The following ICA1 variants were observed in gnomAD, a reference collection of about 807,000 sequenced individuals.
ICA1 encodes 69 kDa islet cell autoantigen.
In ICA1, 40 loss-of-function variants were observed where a neutral mutation model predicts 71.0. That is an observed-to-expected ratio of 0.56 (90% CI 0.44 to 0.73). ICA1 has a LOEUF of 0.73. Ranked by LOEUF, ICA1 falls within the 30% of genes least tolerant of loss-of-function variation. The pLI, the probability that ICA1 is intolerant of heterozygous loss-of-function variation, is 0.00. For synonymous variants in ICA1, 207 were observed against 209.5 expected, an observed-to-expected ratio of 0.99 and a Z score of 0.10; for missense variants, 578 against 576.5, an observed-to-expected ratio of 1.00 and a Z score of -0.03.
rs189348361 is a variant in ICA1 at position 8,243,363 on chromosome 7, A to G, written c.-79-7358T>C. Among the ~76,000 whole-genome samples, 3 of 152,332 alleles carry G rather than the reference A, an allele frequency of 2.0e-5. No individual in the cohort carries two copies. The East Asian group carries it at 5.8e-4, about 29-fold the overall frequency. On this transcript the variant is annotated intron_variant, in intron 1 of 13. Transcript: ENST00000402384. ...CAGAAAAGGCCTTTGACAAAATTCA[A>G]CAATGCTTCATGCTAAAAACTCTCA...
intron 6 of ICA1, among the ~76,000 whole-genome samples, chr7:8,178,826 TG>T (rs1441776263): frequency 2.6e-5 from 4 of 152,184 alleles, no homozygotes; most frequent in Non-Finnish European, 5.9e-5. Context: ...TTGGTGTCAG[TG>T]ATGGCTCCTT....
rs142629620 is a variant in ICA1, at chr7:8,246,010, C to T, written c.-79-10005G>A. Among the ~76,000 whole-genome samples, 334 of 152,298 alleles carry T rather than the reference C, an allele frequency of 2.2e-3. 3 individuals carry two copies. Among genetic ancestry groups the T allele is most frequent in the Admixed American group, 4.8e-3 (73 of 15,294 alleles). ...TAAAGTCTATGATTAGCTAATACTT[C>T]ATGATTCTGCAATGGAAGCTATTTC... On this transcript the variant is annotated intron_variant, in intron 1 of 13. Coordinates refer to ENST00000402384, the MANE Select transcript of ICA1 (RefSeq NM_001136020.3).
At chr7:8,121,398 C>A (rs1786873730) in intron 13 of ICA1, among the ~76,000 whole-genome samples, 2 of 152,176 alleles carry the variant, frequency 1.3e-5, no homozygotes, top group African/African-American at 4.8e-5. Context: ...CCATGACAAC[C>A]TAGAGCAAGA....
intron 6 of ICA1, among the ~76,000 whole-genome samples, chr7:8,205,555 AC>A (rs1321188642): frequency 6.6e-6 from 1 of 152,166 alleles, no homozygotes; most frequent in Non-Finnish European, 1.5e-5. Flanking sequence ...ACATTAGGAG[AC>A]CCTTATGAGA....
intron 6 of ICA1, among the ~76,000 whole-genome samples, chr7:8,186,151 C>T (rs1339324310): frequency 2.6e-5 from 4 of 152,094 alleles, no homozygotes; most frequent in Non-Finnish European, 5.9e-5. Flanking sequence ...CAAGCGACAG[C>T]AATTCAGATG....
intron 9 of ICA1, among the ~76,000 whole-genome samples, chr7:8,143,023 G>A (rs1795743204): frequency 6.6e-6 from 1 of 152,204 alleles, no homozygotes; most frequent in African/African-American, 2.4e-5. Context: ...TACAATAAAA[G>A]TATAAGCCTG....
intron 6 of ICA1, among the ~76,000 whole-genome samples, chr7:8,190,330 C>A (rs1785182757): frequency 1.3e-5 from 2 of 152,028 alleles, no homozygotes; most frequent in South Asian, 4.1e-4. Context: ...TTTCTAAGGA[C>A]TCATCCAAGA....
Position 8,181,731 on chromosome 7 carries a change from C to G in ICA1, c.580-23079G>C, listed in dbSNP as rs982452415. Among the ~76,000 whole-genome samples the G allele has an allele frequency of 2.6e-5, 4 of 152,084 alleles. No homozygotes were observed. The South Asian group carries it at 8.3e-4, about 32-fold the overall frequency. On this transcript the variant is annotated intron_variant, in intron 6 of 13. Transcript: ENST00000402384. ...GTATTTGCCATTTTCAGTTTTTAAACGTGGCTCAGAAAATAAGCCAGTGCT... is the reference window on the plus strand; with the variant it reads ...GTATTTGCCATTTTCAGTTTTTAAAGGTGGCTCAGAAAATAAGCCAGTGCT...
intron 6 of ICA1, among the ~76,000 whole-genome samples, chr7:8,176,583 G>A (rs915516604): frequency 2.6e-5 from 4 of 152,182 alleles, no homozygotes; most frequent in Non-Finnish European, 4.4e-5. Flanking sequence ...TGGGCAGCAG[G>A]CATGCACAAC....
intron 3 of ICA1, among the ~76,000 whole-genome samples, chr7:8,231,206 C>A (rs1187641525): frequency 6.6e-6 from 1 of 152,066 alleles, no homozygotes; most frequent in African/African-American, 2.4e-5. Flanking sequence ...AGCAAATGCT[C>A]TGATGGGTGT....
chr7:8,116,387 T>G (rs1784811304), intron 13 of ICA1: 1 of 152,226 alleles, frequency 6.6e-6, no homozygotes, highest in South Asian at 2.1e-4. Flanking sequence ...CACCAGTTGA[T>G]GGCCACATCC....
chr7:8,194,361 CATGTTT>C (rs1786697966), intron 6 of ICA1, among the ~76,000 whole-genome samples: 1 of 152,160 alleles, frequency 6.6e-6, no homozygotes, highest in South Asian at 2.1e-4. Flanking sequence ...TACAAAAGTT[CATGTTT>C]ATTTATAAAA....
chr7:8,209,079 A>G (rs1462560205), intron 6 of ICA1, among the ~76,000 whole-genome samples: 1 of 152,232 alleles, frequency 6.6e-6, no homozygotes, highest in East Asian at 1.9e-4. Context: ...GAAAAGCCAG[A>G]CAATCTGGCA....
chr7:8,128,030 G>A lies in ICA1; in HGVS notation c.1173C>T (p.Ser391=), dbSNP rs144510804. Residue 391 remains serine (S), a synonymous_variant, in exon 13 of 14, where the codon AGC becomes AGT. Transcript: ENST00000402384. The part of the protein sequence containing the change: ...NASSLEEGEF[S]KEWAAVFGDG... Reference sequence around the variant, plus strand: ...CTCCAAACACAGCGGCCCACTCTTTGCTGAACTCGCCCTCTTCCAAGGAGG... The same window carrying A: ...CTCCAAACACAGCGGCCCACTCTTTACTGAACTCGCCCTCTTCCAAGGAGG... 2.5e-5 allele frequency: 41 copies of A among 1,614,098 alleles called. No individual in the cohort carries two copies. In the African/African-American group the frequency reaches 5.2e-4, roughly 20 times the overall value.
chr7:8,130,221 G>A lies in ICA1; in HGVS notation c.1061-2079C>T, dbSNP rs1790934162. 6.6e-6 allele frequency among the ~76,000 whole-genome samples: 1 copy of A among 152,162 alleles called. No homozygotes were observed. Among genetic ancestry groups the A allele is most frequent in the Admixed American group, 6.5e-5 (1 of 15,276 alleles). On this transcript the variant is annotated intron_variant, in intron 12 of 13. Transcript: ENST00000402384. The surrounding 1 kb of genome is among the most constrained non-coding windows in gnomAD (Gnocchi z 4.2). Reference sequence around the variant, plus strand: ...TCCTTTGGGTCTATACCCAGTAATGGGATGGCTGGGTCGAATGGTATTTCG... The same window carrying A: ...TCCTTTGGGTCTATACCCAGTAATGAGATGGCTGGGTCGAATGGTATTTCG...
chr7:8,141,226 C>A lies in ICA1; in HGVS notation c.955+539G>T, dbSNP rs80214495. Among the ~76,000 whole-genome samples, 216 of 152,316 alleles carry A rather than the reference C, an allele frequency of 1.4e-3. 2 individuals are homozygous for A. The highest frequency in any genetic ancestry group is 3.4e-3 in the Middle Eastern group (1 of 294). On this transcript the variant is annotated intron_variant, in intron 10 of 13. Transcript: ENST00000402384. Reference sequence around the variant, plus strand: ...CACAGCACACTGTGCCATCTCCCAACGCTCTGACCCCTTCTCCTAACACAT... The same window carrying A: ...CACAGCACACTGTGCCATCTCCCAAAGCTCTGACCCCTTCTCCTAACACAT...
intron 13 of ICA1, among the ~76,000 whole-genome samples, chr7:8,118,235 G>A (rs1219901828): frequency 2.0e-5 from 3 of 152,192 alleles, no homozygotes; most frequent in Non-Finnish European, 4.4e-5. Flanking sequence ...TAATGAAACA[G>A]GTGGCCTGCG....
chr7:8,241,975 T>G (rs1413244346), intron 1 of ICA1, among the ~76,000 whole-genome samples: 1 of 152,166 alleles, frequency 6.6e-6, no homozygotes. Context: ...TGGGAGACTT[T>G]AACACCCCAC....
At chr7:8,189,590 G>A (rs1391636217) in intron 6 of ICA1, among the ~76,000 whole-genome samples, 1 of 152,096 alleles carries the variant, frequency 6.6e-6, no homozygotes, top group Non-Finnish European at 1.5e-5. Flanking sequence ...TGGTGGTTCG[G>A]TTCCCAGGCC....
Sources: allele counts gnomAD v4.1 joint callset (sites outside exome capture counted in the v4.1 genomes callset), GRCh38; gene constraint gnomAD v4.1.1; non-coding constraint Gnocchi (gnomAD v3.1); transcripts MANE v1.5; gene names NCBI Gene and HGNC (gene_info 2026-07-23, HGNC 2026-07-21).